COG5: variants seen among roughly 807,000 people sequenced by gnomAD.
The protein encoded by COG5 is component of oligomeric golgi complex 5, also known as conserved oligomeric Golgi complex subunit 5.
In COG5, 86 loss-of-function variants were observed where a neutral mutation model predicts 110.4. The observed-to-expected ratio is 0.78, with a 90% CI of 0.65 to 0.93. COG5 has a LOEUF of 0.93. Ranked by LOEUF, COG5 falls within the 40% of genes least tolerant of loss-of-function variation. COG5 has a pLI of 0.00. For synonymous variants in COG5, 360 were observed against 334.6 expected (o/e 1.08, Z -0.83); for missense variants, 1,077 against 987.0 (o/e 1.09, Z -1.22).
intron 11 of COG5, among the ~76,000 whole-genome samples, chr7:107,302,583 C>G (rs905857291): frequency 2.0e-5 from 3 of 152,158 alleles, no homozygotes; most frequent in Non-Finnish European, 2.9e-5. Flanking sequence ...GAGAAAACTT[C>G]TTTGGCCTCC....
chr7:107,293,892 C>T (rs565847575), intron 12 of COG5, among the ~76,000 whole-genome samples: 9 of 151,908 alleles, frequency 5.9e-5, no homozygotes, highest in Admixed American at 5.9e-4. Flanking sequence ...GCCAAAATGG[C>T]GAAACTCTGT....
chr7:107,354,822 T>C (rs528860896), intron 10 of COG5, among the ~76,000 whole-genome samples: 73 of 152,238 alleles, frequency 4.8e-4, no homozygotes, highest in Non-Finnish European at 7.5e-4. Flanking sequence ...TCATCTGATA[T>C]TTGAGATTAC....
chr7:107,340,557 A>G (rs1209937301), intron 10 of COG5, among the ~76,000 whole-genome samples: 2 of 152,162 alleles, frequency 1.3e-5, no homozygotes, highest in Admixed American at 1.3e-4. Context: ...CTGATATCAA[A>G]ATGTGGCAAA....
At chr7:107,207,923 CAT>C in intron 21 of COG5, 1 of 985,432 alleles carries the variant, frequency 1.0e-6, no homozygotes, top group Non-Finnish European at 1.2e-6. Flanking sequence ...GACAACCTAA[CAT>C]ATTATGCTGG....
intron 12 of COG5, among the ~76,000 whole-genome samples, chr7:107,293,067 T>A (rs999449474): frequency 2.0e-5 from 3 of 152,118 alleles, no homozygotes; most frequent in African/African-American, 7.2e-5. Flanking sequence ...CTCAGTTTGG[T>A]CTGGGAACAA....
Position 107,233,486 on chromosome 7 carries a change from G to C in COG5, c.2092-2795C>G, listed in dbSNP as rs568531115. On this transcript the variant is annotated intron_variant, in intron 18 of 21. Coordinates refer to ENST00000297135, the MANE Select transcript of COG5 (RefSeq NM_006348.5). ...CAACTACTTTCTCTTTCCTGCACTG[G>C]TGCCAGTGAGGAGAAGTTAGGATTC... Among the ~76,000 whole-genome samples the C allele has an allele frequency of 2.6e-5, 4 of 152,290 alleles. No homozygotes were observed. The East Asian group carries it at 7.7e-4, about 29-fold the overall frequency.
chr7:107,276,531 G>A (rs1453700539), intron 14 of COG5, among the ~76,000 whole-genome samples: 1 of 152,114 alleles, frequency 6.6e-6, no homozygotes, highest in Non-Finnish European at 1.5e-5. Flanking sequence ...AATTAGCTAG[G>A]CATGCTGGCA....
intron 6 of COG5, among the ~76,000 whole-genome samples, chr7:107,486,791 A>C (rs1268576521): frequency 6.6e-6 from 1 of 152,202 alleles, no homozygotes; most frequent in Non-Finnish European, 1.5e-5. Flanking sequence ...TTATTCATTA[A>C]GTAGTGTTGG....
chr7:107,514,262 G>C (rs1052379921), intron 6 of COG5, among the ~76,000 whole-genome samples: 33 of 150,116 alleles, frequency 2.2e-4, no homozygotes, highest in African/African-American at 7.6e-4. Context: ...AGAATATTAA[G>C]TTACTAACAA....
chr7:107,258,709 T>C (rs1803082202), intron 14 of COG5: 2 of 269,108 alleles, frequency 7.4e-6, no homozygotes, highest in Admixed American at 4.9e-5. Context: ...ATGTGTGCTA[T>C]TATTTTGATA....
intron 11 of COG5, among the ~76,000 whole-genome samples, chr7:107,311,602 C>T (rs1808275152): frequency 6.7e-6 from 1 of 150,096 alleles, no homozygotes; most frequent in Non-Finnish European, 1.5e-5. Flanking sequence ...ACCTTGTTAG[C>T]CAGGATGGTC....
At chr7:107,458,624 A>G (rs1795805111) in intron 6 of COG5, among the ~76,000 whole-genome samples, 1 of 152,196 alleles carries the variant, frequency 6.6e-6, no homozygotes, top group Middle Eastern at 3.2e-3. Context: ...GGAGGCCAAC[A>G]CAGAAGGATC....
chr7:107,372,554 T>C (rs762052600), intron 8 of COG5, 41 bp downstream of exon 8: 9 of 1,597,220 alleles, frequency 5.6e-6, no homozygotes, highest in Non-Finnish European at 6.9e-6. Flanking sequence ...ACTTCTCAGT[T>C]ATAAATAAAT....
intron 11 of COG5, among the ~76,000 whole-genome samples, chr7:107,320,130 G>A (rs1263416407): frequency 3.9e-5 from 6 of 152,024 alleles, no homozygotes; most frequent in Admixed American, 6.6e-5. Flanking sequence ...GTGGCAAGAC[G>A]GCATAGACAA....
intron 7 of COG5, among the ~76,000 whole-genome samples, chr7:107,378,237 A>G (rs1394073273): frequency 4.6e-5 from 7 of 152,174 alleles, no homozygotes. Context: ...ATCAACAAAA[A>G]GGAAGTCCAA....
intron 6 of COG5, among the ~76,000 whole-genome samples, chr7:107,504,641 G>C (rs1464433545): frequency 6.6e-6 from 1 of 151,988 alleles, no homozygotes; most frequent in Non-Finnish European, 1.5e-5. Context: ...CTTTTTCTTT[G>C]TTGGCAATTT....
At chr7:107,324,703 T>C (rs955531224) in intron 10 of COG5, among the ~76,000 whole-genome samples, 182 bp from the exon 11 acceptor site, 1 of 152,194 alleles carries the variant, frequency 6.6e-6, no homozygotes, top group Non-Finnish European at 1.5e-5. Context: ...AAATTATGTC[T>C]TATGTTCAAG....
chr7:107,252,637 A>G (rs1014615406), intron 16 of COG5, among the ~76,000 whole-genome samples: 3 of 152,202 alleles, frequency 2.0e-5, no homozygotes, highest in African/African-American at 7.2e-5. Context: ...TATAGATGTA[A>G]GTAAGCATCC....
chr7:107,397,014 C>G (rs1021112796), intron 7 of COG5, among the ~76,000 whole-genome samples: 10 of 152,164 alleles, frequency 6.6e-5, no homozygotes, highest in African/African-American at 2.4e-4. Flanking sequence ...CCCAAAACTA[C>G]TTTCTTCTTT....
Sources: gnomAD v4.1 joint callset for allele counts (sites outside exome capture counted in the v4.1 genomes callset) on GRCh38, gnomAD v4.1.1 for gene constraint, MANE v1.5 for transcripts, NCBI Gene and HGNC (gene_info 2026-07-23, HGNC 2026-07-21) for gene names.